Variants in AGAP1 observed in about 807,000 individuals in gnomAD.
AGAP1 encodes the protein ArfGAP with GTPase domain, ankyrin repeat and PH domain 1.
Under a neutral mutation model 105.3 loss-of-function variants are expected in AGAP1, and 29 were observed. The ratio of observed to expected loss-of-function variants is 0.28; its 90% CI spans 0.21 to 0.38. AGAP1 has a LOEUF of 0.38. AGAP1 is among the 10% of genes least tolerant of loss of function. The pLI, the probability that AGAP1 is intolerant of heterozygous loss-of-function variation, is 1.00. For synonymous variants in AGAP1, 509 were observed against 485.9 expected (o/e 1.05, Z -0.63); for missense variants, 998 against 1,165.1 (o/e 0.86, Z 2.09).
rs896421851 is a variant in AGAP1 at position 236,053,849 on chromosome 2, C to G, written c.2114+4568C>G. On this transcript the variant is annotated intron_variant, in intron 16 of 17. Coordinates refer to ENST00000304032, the MANE Select transcript of AGAP1 (RefSeq NM_001037131.3). This position sits in a 1 kb window ranked among gnomAD's most constrained non-coding sequence, Gnocchi z 4.6. ...TAAGCGCAACTGAAATCACCCATTA[C>G]CTCTTTGATGCCACTTGGAAGGGAA... is the stretch of plus-strand genomic sequence containing the variant. Among the ~76,000 whole-genome samples the G allele has an allele frequency of 2.0e-5, 3 of 152,262 alleles. No individual in the cohort carries two copies. The highest frequency in any genetic ancestry group is 7.2e-5 in the African/African-American group (3 of 41,474).
intron 1 of AGAP1, among the ~76,000 whole-genome samples, chr2:235,564,017 G>T (rs1944256694): frequency 6.6e-6 from 1 of 152,170 alleles, no homozygotes; most frequent in African/African-American, 2.4e-5. Context: ...GTGGGAGAGT[G>T]CATGTGTCAT....
chr2:235,496,525 C>T (rs1941325721), intron 1 of AGAP1, among the ~76,000 whole-genome samples: 1 of 152,188 alleles, frequency 6.6e-6, no homozygotes, highest in South Asian at 2.1e-4. Context: ...TTCTTCCTGG[C>T]TCTCTGGCTG....
At chr2:235,643,431 CAAAAAAAAAAAAAAAA>C (rs56146940) in intron 1 of AGAP1, among the ~76,000 whole-genome samples, 10 of 61,406 alleles carry the variant, frequency 1.6e-4, no homozygotes, top group African/African-American at 2.1e-4. Context: ...GACTGGGTCT[CAAAAAAAAAAAAAAAA>C]AAAAAAAAAA....
chr2:235,823,056 C>T (rs895991572), intron 9 of AGAP1, among the ~76,000 whole-genome samples: 1 of 152,060 alleles, frequency 6.6e-6, no homozygotes, highest in Non-Finnish European at 1.5e-5. Flanking sequence ...GGTTTCATCT[C>T]GTAATTTCAT....
At position 235,495,938 on chromosome 2, in the gene AGAP1, A is replaced by G. The variant is rs1258904972; in HGVS notation, c.163+1089A>G. On this transcript the variant is annotated intron_variant, in intron 1 of 17. Coordinates refer to ENST00000304032, the MANE Select transcript of AGAP1 (RefSeq NM_001037131.3). ...GCCGGTAAGACCTCTATTGAGGAAC[A>G]TTGAGAATGGCCCAAAGCCGGCAGG... Among the ~76,000 whole-genome samples, 9 of 152,302 alleles carry G rather than the reference A, an allele frequency of 5.9e-5. No individual in the cohort carries two copies. The East Asian group carries it at 1.7e-3, about 29-fold the overall frequency.
chr2:235,684,380 T>C (rs1465868514), intron 1 of AGAP1, among the ~76,000 whole-genome samples: 2 of 152,122 alleles, frequency 1.3e-5, no homozygotes, highest in African/African-American at 4.8e-5. Flanking sequence ...ACCCAGCCCA[T>C]CGTGGCCTGG....
rs1368532071 is a variant in AGAP1 at position 235,710,792 on chromosome 2, T to G, written c.222+1555T>G. On this transcript the variant is annotated intron_variant, in intron 2 of 17. Transcript: ENST00000304032. ...TCCCGCAGTTTCCGTTACTTCCTGT[T>G]AAGACAGCCGCTGCCACTCGGGTGC... 3.9e-5 allele frequency among the ~76,000 whole-genome samples: 6 copies of G among 152,206 alleles called. No homozygotes were observed. In the East Asian group the frequency reaches 9.7e-4, roughly 25 times the overall value.
At chr2:235,780,154 T>G (rs2149922524) in intron 6 of AGAP1, among the ~76,000 whole-genome samples, 1 of 152,344 alleles carries the variant, frequency 6.6e-6, no homozygotes, top group African/African-American at 2.4e-5. Flanking sequence ...TCACCATTTC[T>G]TGATACAGTG....
intron 1 of AGAP1, among the ~76,000 whole-genome samples, chr2:235,707,440 A>G (rs1950588895): frequency 7.6e-6 from 1 of 131,740 alleles, no homozygotes; most frequent in Non-Finnish European, 1.6e-5. Flanking sequence ...GGCCCGTGGC[A>G]TCTGGTTTGC....
At position 235,931,415 on chromosome 2, in the gene AGAP1, A is replaced by G. The variant is rs1020511598; in HGVS notation, c.1483+492A>G. Among the ~76,000 whole-genome samples, 1 of 152,004 alleles carries G rather than the reference A, an allele frequency of 6.6e-6. No homozygotes were observed. Among genetic ancestry groups the G allele is most frequent in the Non-Finnish European group, 1.5e-5 (1 of 68,002 alleles). Reference sequence around the variant, plus strand: ...TCTGGAGTCCCCTTTGTAATCCTTCAGTTTTCAAATTCCTTTGGCATTATT... The same window carrying G: ...TCTGGAGTCCCCTTTGTAATCCTTCGGTTTTCAAATTCCTTTGGCATTATT... On this transcript the variant is annotated intron_variant, in intron 12 of 17. Coordinates refer to ENST00000304032, the MANE Select transcript of AGAP1 (RefSeq NM_001037131.3). The surrounding 1 kb of genome is among the most constrained non-coding windows in gnomAD (Gnocchi z 5.6).
At chr2:236,071,881 C>T (rs1291191932) in intron 16 of AGAP1, among the ~76,000 whole-genome samples, 1 of 152,174 alleles carries the variant, frequency 6.6e-6, no homozygotes, top group Non-Finnish European at 1.5e-5. Context: ...GCGGCTGGCA[C>T]ACAGAGTCGT....
chr2:235,611,040 C>T lies in AGAP1; in HGVS notation c.164-98139C>T, dbSNP rs574161883. Among the ~76,000 whole-genome samples, 19 of 152,282 alleles carry T rather than the reference C, an allele frequency of 1.2e-4. No individual in the cohort carries two copies. Among genetic ancestry groups the T allele is most frequent in the East Asian group, 7.7e-4 (4 of 5,190 alleles). On this transcript the variant is annotated intron_variant, in intron 1 of 17. Transcript: ENST00000304032. This position sits in a 1 kb window ranked among gnomAD's most constrained non-coding sequence, Gnocchi z 5.0. ...CCATGACCTCCGGAAGCCTGCCAGC[C>T]GCCTGCCTGCAACCCCATAGCCGAG...
intron 9 of AGAP1, among the ~76,000 whole-genome samples, chr2:235,813,733 C>G (rs1351159820): frequency 6.6e-6 from 1 of 152,222 alleles, no homozygotes; most frequent in Non-Finnish European, 1.5e-5. Flanking sequence ...TCAGTTAGTC[C>G]CTCTGCCTTA....
intron 1 of AGAP1, among the ~76,000 whole-genome samples, chr2:235,619,941 C>T (rs572600497): frequency 6.6e-6 from 1 of 152,216 alleles, no homozygotes; most frequent in South Asian, 2.1e-4. Flanking sequence ...CCACTGCTGG[C>T]GCCCCGATCC....
At position 235,788,976 on chromosome 2, in the gene AGAP1, A is replaced by C. The variant is rs181345703; in HGVS notation, c.674-8783A>C. ...CCCTGCTGCCCTCTAGCCCAGGGTG[A>C]CTATGGGAACAGACATTCCTGATTT... On this transcript the variant is annotated intron_variant, in intron 6 of 17. Transcript: ENST00000304032. The surrounding 1 kb of genome is among the most constrained non-coding windows in gnomAD (Gnocchi z 6.0). Among the ~76,000 whole-genome samples, 4 of 152,280 alleles carry C rather than the reference A, an allele frequency of 2.6e-5. No individual in the cohort carries two copies. The highest frequency in any genetic ancestry group is 4.2e-4 in the South Asian group (2 of 4,818).
intron 1 of AGAP1, among the ~76,000 whole-genome samples, chr2:235,638,381 C>T (rs1359061973): frequency 6.6e-6 from 1 of 152,162 alleles, no homozygotes; most frequent in Middle Eastern, 3.2e-3. Flanking sequence ...GTGCACTGCA[C>T]AGGGTGGCTG....
chr2:236,032,626 G>C (rs72973014), intron 13 of AGAP1, among the ~76,000 whole-genome samples: 4 of 152,066 alleles, frequency 2.6e-5, no homozygotes, highest in African/African-American at 9.7e-5. Flanking sequence ...GGATGCACGC[G>C]TGCACGTGTC....
rs538034223 is a variant in AGAP1 at position 235,658,128 on chromosome 2, A to G, written c.164-51051A>G. On this transcript the variant is annotated intron_variant, in intron 1 of 17. Transcript: ENST00000304032. The stretch of plus-strand genomic sequence containing the variant: ...ATGGCTTCAAATGTTATGAACATTA[A>G]AATCTTTCTATTGCTAGGGAAGGTC... Among the ~76,000 whole-genome samples, 8 of 152,360 alleles carry G rather than the reference A, an allele frequency of 5.3e-5. No individual in the cohort carries two copies. The South Asian group carries it at 8.3e-4, about 16-fold the overall frequency.
chr2:235,932,629 T>G (rs1410340725), intron 12 of AGAP1, among the ~76,000 whole-genome samples: 1 of 152,144 alleles, frequency 6.6e-6, no homozygotes, highest in Non-Finnish European at 1.5e-5. Flanking sequence ...GTGAGAGTAG[T>G]CTAGGTGCCA....
Sources: allele counts gnomAD v4.1 joint callset (sites outside exome capture counted in the v4.1 genomes callset), GRCh38; gene constraint gnomAD v4.1.1; non-coding constraint Gnocchi (gnomAD v3.1); transcripts MANE v1.5; gene names NCBI Gene and HGNC (gene_info 2026-07-23, HGNC 2026-07-21).